The following WWOX variants were observed in gnomAD, a reference collection of about 807,000 sequenced individuals.
WWOX encodes WW domain containing oxidoreductase.
WWOX carries 69 observed loss-of-function variants against 46.2 expected under a neutral mutation model. The observed-to-expected ratio is 1.49, with a 90% CI of 1.23 to 1.82. The LOEUF is 1.82. Among genes scored for constraint, WWOX ranks in the 40% most tolerant of loss-of-function variants. WWOX has a pLI of 0.00. For missense variants in WWOX, 919 were observed against 542.6 expected, an observed-to-expected ratio of 1.69 and a Z score of -6.89; for synonymous variants, 359 against 202.6, an observed-to-expected ratio of 1.77 and a Z score of -6.56.
At chr16:79,060,183 C>G (rs1056133123) in intron 8 of WWOX, among the ~76,000 whole-genome samples, 1 of 152,172 alleles carries the variant, frequency 6.6e-6, no homozygotes, top group Non-Finnish European at 1.5e-5. Context: ...AAAAACCCAC[C>G]AAGCCTCATT....
At chr16:78,296,048 C>T (rs1383756497) in intron 5 of WWOX, among the ~76,000 whole-genome samples, 1 of 152,192 alleles carries the variant, frequency 6.6e-6, no homozygotes, top group African/African-American at 2.4e-5. Flanking sequence ...TGAAAAGCAT[C>T]AAAGTTATTT....
intron 8 of WWOX, among the ~76,000 whole-genome samples, chr16:78,930,378 G>T (rs1418940082): frequency 6.6e-6 from 1 of 150,382 alleles, no homozygotes; most frequent in African/African-American, 2.5e-5. Context: ...CCTGGGCTCA[G>T]GCGATCCTCA....
intron 8 of WWOX, among the ~76,000 whole-genome samples, chr16:78,674,309 G>A (rs72796620): frequency 0.032 from 4,562 of 142,468 alleles, 92 homozygotes; most frequent in Non-Finnish European, 0.048. Flanking sequence ...TTTCGAGAAA[G>A]AGTTTTGCTC....
intron 8 of WWOX, among the ~76,000 whole-genome samples, chr16:78,511,862 G>A (rs1044657951): frequency 2.0e-5 from 3 of 152,180 alleles, no homozygotes; most frequent in Non-Finnish European, 2.9e-5. Flanking sequence ...GTCTTGATCT[G>A]AATATTAAAT....
At chr16:78,964,252 G>C (rs533281100) in intron 8 of WWOX, among the ~76,000 whole-genome samples, 1 of 152,158 alleles carries the variant, frequency 6.6e-6, no homozygotes, top group Non-Finnish European at 1.5e-5. Context: ...GAAAATGTGG[G>C]AAAGTTTGGA....
chr16:78,415,247 A>G (rs1003051701), intron 6 of WWOX, among the ~76,000 whole-genome samples: 3 of 151,976 alleles, frequency 2.0e-5, no homozygotes, highest in African/African-American at 7.3e-5. Flanking sequence ...TTGCCATGGC[A>G]TGTGTACACT....
At chr16:78,971,134 C>G (rs1474501493) in intron 8 of WWOX, among the ~76,000 whole-genome samples, 1 of 151,908 alleles carries the variant, frequency 6.6e-6, no homozygotes, top group Non-Finnish European at 1.5e-5. Flanking sequence ...GAGCCATATG[C>G]TTTATTCCTG....
chr16:78,300,748 A>G (rs575225440), intron 5 of WWOX, among the ~76,000 whole-genome samples: 2 of 152,252 alleles, frequency 1.3e-5, no homozygotes, highest in South Asian at 2.1e-4. Flanking sequence ...TCACTGAAAT[A>G]TTATGATTGG....
chr16:78,430,381 G>A (rs1302019113), intron 7 of WWOX, among the ~76,000 whole-genome samples: 1 of 152,092 alleles, frequency 6.6e-6, no homozygotes, highest in East Asian at 1.9e-4. Context: ...AAATCTGAAA[G>A]TGCTTTTATT....
intron 5 of WWOX, among the ~76,000 whole-genome samples, chr16:78,328,045 T>G (rs1213691029): frequency 6.6e-6 from 1 of 152,094 alleles, no homozygotes; most frequent in Non-Finnish European, 1.5e-5. Flanking sequence ...CTGGCTAATT[T>G]GTATTTTTAG....
chr16:78,824,374 G>T (rs1300955047), intron 8 of WWOX, among the ~76,000 whole-genome samples: 1 of 152,126 alleles, frequency 6.6e-6, no homozygotes, highest in Non-Finnish European at 1.5e-5. Context: ...TTAGCTCATT[G>T]ACTCTACAAC....
At chr16:79,094,317 G>A (rs995842612) in intron 8 of WWOX, among the ~76,000 whole-genome samples, 16 of 149,708 alleles carry the variant, frequency 1.1e-4, no homozygotes, top group East Asian at 8.0e-4. Flanking sequence ...GCAATGGCAC[G>A]ATCTCGGCTC....
chr16:78,111,270 GAAT>G lies in WWOX; in HGVS notation c.230+1438_230+1440del, dbSNP rs200114096. Among the ~76,000 whole-genome samples the G allele has an allele frequency of 5.5e-3, 842 of 152,278 alleles. 3 individuals are homozygous for G. Among genetic ancestry groups the G allele is most frequent in the Non-Finnish European group, 9.4e-3 (638 of 68,030 alleles). On this transcript the variant is annotated intron_variant, in intron 3 of 8. Transcript: ENST00000566780. Reference sequence around the variant, plus strand: ...TTCAGTATAATAAAGAAAGTAGTTAGAATAAGAATAGTCATAATACAGGTTAGA... The same window carrying G: ...TTCAGTATAATAAAGAAAGTAGTTAGAAGAATAGTCATAATACAGGTTAGA...
chr16:78,593,948 G>A (rs774378350), intron 8 of WWOX, among the ~76,000 whole-genome samples: 3 of 152,198 alleles, frequency 2.0e-5, no homozygotes, highest in South Asian at 4.2e-4. Flanking sequence ...CTTAGTTTGC[G>A]TCTTTGTCCC....
At chr16:78,691,938 G>A (rs1434249038) in intron 8 of WWOX, among the ~76,000 whole-genome samples, 2 of 152,172 alleles carry the variant, frequency 1.3e-5, no homozygotes, top group South Asian at 4.1e-4. Flanking sequence ...TCTCATAATA[G>A]TGAATAAGTC....
chr16:78,423,649 C>T (rs528667079), intron 6 of WWOX, among the ~76,000 whole-genome samples: 3 of 151,816 alleles, frequency 2.0e-5, no homozygotes, highest in South Asian at 2.1e-4. Flanking sequence ...CCACCTTGGG[C>T]AACATAGGGG....
At chr16:78,887,134 G>GTA (rs1197888826) in intron 8 of WWOX, among the ~76,000 whole-genome samples, 4 of 134,880 alleles carry the variant, frequency 3.0e-5, no homozygotes, top group African/African-American at 1.1e-4. Context: ...GTGTGTGTGT[G>GTA]TATACCTAGT....
At chr16:78,949,613 A>G (rs1473862730) in intron 8 of WWOX, among the ~76,000 whole-genome samples, 2 of 152,176 alleles carry the variant, frequency 1.3e-5, no homozygotes, top group Admixed American at 6.5e-5. Context: ...AGATGAACAC[A>G]TTTCTGTTCT....
chr16:79,060,348 G>T lies in WWOX; in HGVS notation c.1057-151260G>T, dbSNP rs547527401. Among the ~76,000 whole-genome samples the T allele has an allele frequency of 5.9e-5, 9 of 152,376 alleles. No individual in the cohort carries two copies. The East Asian group carries it at 1.7e-3, about 29-fold the overall frequency. Reference sequence around the variant, plus strand: ...ATTTTATAGCCCATGTCCCTCTCCAGTGAGGCTTTTGGCCACTGGCCGTTA... The same window carrying T: ...ATTTTATAGCCCATGTCCCTCTCCATTGAGGCTTTTGGCCACTGGCCGTTA... On this transcript the variant is annotated intron_variant, in intron 8 of 8. Coordinates refer to ENST00000566780, the MANE Select transcript of WWOX (RefSeq NM_016373.4).
Sources: gnomAD v4.1 joint callset for allele counts (sites outside exome capture counted in the v4.1 genomes callset) on GRCh38, gnomAD v4.1.1 for gene constraint, MANE v1.5 for transcripts, NCBI Gene and HGNC (gene_info 2026-07-23, HGNC 2026-07-21) for gene names.